The following OR4M1 variants were observed in gnomAD, a reference collection of about 807,000 sequenced individuals.
OR4M1 encodes the protein olfactory receptor 4M1.
OR4M1 carries 7 observed loss-of-function variants against 9.8 expected under a neutral mutation model. The ratio of observed to expected loss-of-function variants is 0.71; its 90% CI spans 0.41 to 1.34. OR4M1 has a LOEUF of 1.34. Ranked by LOEUF, OR4M1 falls within the 40% of genes most tolerant of loss-of-function variation. The pLI is 0.01. For missense variants in OR4M1, 331 were observed against 380.4 expected (o/e 0.87, Z 1.08); for synonymous variants, 121 against 139.8 (o/e 0.87, Z 0.95).
rs1255421477 is a variant in OR4M1, at chr14:19,777,044, ATATATT to A, written c.-29-3249_-29-3244del. On this transcript the variant is annotated intron_variant, in intron 1 of 1. Transcript: ENST00000641200. ...TATATATATATATATATATATATAT[ATATATT>A]GTTTGTTTGTTTTTCCTGTAATGTT... is the stretch of plus-strand genomic sequence containing the variant. 1.4e-3 allele frequency among the ~76,000 whole-genome samples: 166 copies of A among 120,858 alleles called. 1 individual carries two copies. Among genetic ancestry groups the A allele is most frequent in the South Asian group, 6.0e-3 (22 of 3,684 alleles). 79.3% of individuals were successfully genotyped at this position (120,858 alleles called of 152,430 possible). A position where few individuals can be genotyped will look rare whatever the true frequency, so the allele number is the denominator to read the frequency against.
chr14:19,777,458 T>C (rs1189947953), intron 1 of OR4M1, among the ~76,000 whole-genome samples: 7 of 152,180 alleles, frequency 4.6e-5, no homozygotes, highest in African/African-American at 1.7e-4. Context: ...TTCTTTTTAT[T>C]TCCTGCTTGT....
Position 19,773,558 on chromosome 14 carries a change from T to C in OR4M1, c.-65T>C, listed in dbSNP as rs577795768. ...AGAGGCTTCTTCTACCTCCTCCCCA[T>C]AGTTCCTGAAGGCACCAAGACTGTC... is the stretch of plus-strand genomic sequence containing the variant. On this transcript the variant is annotated 5_prime_UTR_variant, in exon 1 of 2. Transcript: ENST00000641200. 2.9e-4 allele frequency: 44 copies of C among 152,470 alleles called. No homozygotes were observed. Among genetic ancestry groups the C allele is most frequent in the African/African-American group, 9.6e-4 (40 of 41,574 alleles). 9.4% of individuals were successfully genotyped at this position (152,470 alleles called of 1,614,324 possible).
At chr14:19,774,182 C>T (rs1878245452) in intron 1 of OR4M1, among the ~76,000 whole-genome samples, 3 of 152,296 alleles carry the variant, frequency 2.0e-5, no homozygotes, top group African/African-American at 4.8e-5. Flanking sequence ...AGCAAAGAGA[C>T]TCTTACTTGA....
rs1170694225 is a variant in OR4M1, at chr14:19,783,106, A to C, written c.*1842A>C. On this transcript the variant is annotated 3_prime_UTR_variant, in exon 2 of 2. Transcript: ENST00000641200. ...TAGTAATACAAAGGAAAAAGGCATA[A>C]AAACAGTAGTGTGATAACTAATTGC... The C allele has an allele frequency of 6.6e-6, 1 of 152,300 alleles. No homozygotes were observed. Among genetic ancestry groups the C allele is most frequent in the Non-Finnish European group, 1.5e-5 (1 of 68,058 alleles). 9.4% of individuals were successfully genotyped at this position (152,300 alleles called of 1,614,324 possible).
chr14:19,775,678 A>C (rs2138427301), intron 1 of OR4M1, among the ~76,000 whole-genome samples: 1 of 144,404 alleles, frequency 6.9e-6, no homozygotes, highest in Non-Finnish European at 1.5e-5. Context: ...AATTAAAAGA[A>C]TATATTAAAT....
In OR4M1 at chr14:19,781,251, G is replaced by A. The variant is rs369467589; in HGVS notation, c.929G>A (p.Cys310Tyr). The A allele has an allele frequency of 1.2e-4, 186 of 1,604,738 alleles. No individual in the cohort carries two copies. In the African/African-American group the frequency reaches 2.2e-3, roughly 19 times the overall value. ...AAGGTGGTCACCAAATATATTTTGT[G>A]TGAAGAGAAGTGAAAGATAAATTAT... ...MRKVVTKYIL[C>Y]EEK The change falls in exon 2 of 2, where the codon TGT (cysteine) becomes TAT (tyrosine). Residue 310 changes from cysteine (C) to tyrosine (Y), a missense_variant. Cys to Tyr is a radical substitution (Grantham distance 194). This residue lies in a region of OR4M1 where 122 missense variants were observed against 180.5 expected (regional missense o/e 0.68). Coordinates refer to ENST00000641200, the MANE Select transcript of OR4M1 (RefSeq NM_001005500.2).
At chr14:19,774,124 G>A (rs1823130082) in intron 1 of OR4M1, among the ~76,000 whole-genome samples, 1 of 152,190 alleles carries the variant, frequency 6.6e-6, no homozygotes, top group Non-Finnish European at 1.5e-5. Context: ...AGTGTTAGTA[G>A]TAGTAAAAGC....
At position 19,781,944 on chromosome 14, in the gene OR4M1, T is replaced by C. The variant is rs1878512491; in HGVS notation, c.*680T>C. The C allele has an allele frequency of 6.6e-6, 1 of 152,414 alleles. No individual in the cohort carries two copies. The highest frequency in any genetic ancestry group is 1.5e-5 in the Non-Finnish European group (1 of 68,176). 9.4% of individuals were successfully genotyped at this position (152,414 alleles called of 1,614,324 possible). A position where few individuals can be genotyped will look rare whatever the true frequency, so the allele number is the denominator to read the frequency against. On this transcript the variant is annotated 3_prime_UTR_variant, in exon 2 of 2. Transcript: ENST00000641200. Reference sequence around the variant, plus strand: ...TAATTTGGCTGATACATGAGATTCATGTCATTCCAGATGAAGCCTCCAGGC... The same window carrying C: ...TAATTTGGCTGATACATGAGATTCACGTCATTCCAGATGAAGCCTCCAGGC...
At chr14:19,774,350 A>G (rs531077929) in intron 1 of OR4M1, among the ~76,000 whole-genome samples, 3 of 152,366 alleles carry the variant, frequency 2.0e-5, no homozygotes, top group African/African-American at 7.2e-5. Flanking sequence ...TATTTATTCA[A>G]TAAAAAATCC....
chr14:19,775,131 C>G (rs540589778), intron 1 of OR4M1, among the ~76,000 whole-genome samples: 1 of 152,356 alleles, frequency 6.6e-6, no homozygotes, highest in South Asian at 2.1e-4. Context: ...CAACCAACCA[C>G]TGAAGCTGTC....
At chr14:19,775,381 T>G (rs904291904) in intron 1 of OR4M1, among the ~76,000 whole-genome samples, 1 of 152,122 alleles carries the variant, frequency 6.6e-6, no homozygotes, top group Non-Finnish European at 1.5e-5. Flanking sequence ...GGCCAGAGGC[T>G]ATATTTCCCA....
chr14:19,775,243 A>G (rs909301326), intron 1 of OR4M1, among the ~76,000 whole-genome samples: 3 of 152,252 alleles, frequency 2.0e-5, no homozygotes, highest in Admixed American at 1.3e-4. Flanking sequence ...ACAATTGTGC[A>G]TGTGCACGGT....
chr14:19,780,830 G>A lies in OR4M1; in HGVS notation c.508G>A (p.Gly170Arg). Residue 170 changes from glycine to arginine, a missense_variant, in exon 2 of 2, where the codon GGG (glycine) becomes AGG (arginine). By Grantham distance (125) the Gly-to-Arg change is moderately radical (BLOSUM62 -2). This residue lies in a region of OR4M1 where 122 missense variants were observed against 180.5 expected (regional missense o/e 0.68). Coordinates refer to ENST00000641200, the MANE Select transcript of OR4M1 (RefSeq NM_001005500.2). ...TCTCATTGTTCGACTTCCTTTCTGT[G>A]GGCCCAATGAGTTAGACAGTTACTT... ...VALIVRLPFC[G>R]PNELDSYFCD... 4 of 1,614,172 alleles carry A rather than the reference G, an allele frequency of 2.5e-6. No individual in the cohort carries two copies. The highest frequency in any genetic ancestry group is 2.5e-6 in the Non-Finnish European group (3 of 1,180,028).
At chr14:19,778,906 A>C (rs1461716193) in intron 1 of OR4M1, among the ~76,000 whole-genome samples, 1 of 152,234 alleles carries the variant, frequency 6.6e-6, no homozygotes, top group East Asian at 1.9e-4. Flanking sequence ...CATACTGGGC[A>C]ATTTATGGAC....
In OR4M1 at chr14:19,780,833, C is replaced by T. The variant is rs755988817; in HGVS notation, c.511C>T (p.Pro171Ser). ...ALIVRLPFCG[P>S]NELDSYFCDI... Reference sequence around the variant, plus strand: ...CATTGTTCGACTTCCTTTCTGTGGGCCCAATGAGTTAGACAGTTACTTCTG... The same window carrying T: ...CATTGTTCGACTTCCTTTCTGTGGGTCCAATGAGTTAGACAGTTACTTCTG... Residue 171 changes from proline to serine, a missense_variant, in exon 2 of 2, where the codon CCC becomes TCC. Pro to Ser is a moderately conservative substitution (Grantham distance 74, BLOSUM62 -1). Coordinates refer to ENST00000641200, the MANE Select transcript of OR4M1 (RefSeq NM_001005500.2). 7 of 1,614,196 alleles carry T rather than the reference C, an allele frequency of 4.3e-6. No individual in the cohort carries two copies. The highest frequency in any genetic ancestry group is 1.3e-5 in the African/African-American group (1 of 75,044).
rs1010982919 is a variant in OR4M1, at chr14:19,781,510, T to G, written c.*246T>G. 1 of 479,918 alleles carries G rather than the reference T, an allele frequency of 2.1e-6. No individual in the cohort carries two copies. The highest frequency in any genetic ancestry group is 2.0e-5 in the African/African-American group (1 of 50,620). The allele number at this position is 479,918 out of a possible 1,614,324, so 29.7% of individuals were successfully genotyped here. A position where few individuals can be genotyped will look rare whatever the true frequency, so the allele number is the denominator to read the frequency against. ...TAGAATTTGAGATATAATAATAATCTGCTAAAGTACATTTTAACTAATTGT... is the reference window on the plus strand; with the variant it reads ...TAGAATTTGAGATATAATAATAATCGGCTAAAGTACATTTTAACTAATTGT... On this transcript the variant is annotated 3_prime_UTR_variant, in exon 2 of 2. Coordinates refer to ENST00000641200, the MANE Select transcript of OR4M1 (RefSeq NM_001005500.2).
chr14:19,778,816 T>C (rs1280737820), intron 1 of OR4M1, among the ~76,000 whole-genome samples: 1 of 22,468 alleles, frequency 4.5e-5, no homozygotes, highest in Non-Finnish European at 9.7e-5. Context: ...CCTTATTATC[T>C]TTCTTTTGAT....
rs1878483624 is a variant in OR4M1, at chr14:19,781,130, G to C, written c.808G>C (p.Asp270His). The change falls in exon 2 of 2, where the codon GAT becomes CAT. Residue 270 changes from aspartate to histidine, a missense_variant. Physicochemically the swap from Asp to His is moderately conservative, Grantham distance 81 (BLOSUM62 -1). Transcript: ENST00000641200. ...YARPFDSFSL[D>H]KVVSVFHTVI... ...TCGCCCATTTGACTCATTTTCCCTA[G>C]ATAAAGTGGTGTCTGTGTTTCATAC... is the stretch of plus-strand genomic sequence containing the variant. 6.2e-7 allele frequency: 1 copy of C among 1,614,078 alleles called. No homozygotes were observed. Among genetic ancestry groups the C allele is most frequent in the African/African-American group, 1.3e-5 (1 of 74,924 alleles).
At chr14:19,777,006 CCATATATATATATATATATATA>C in intron 1 of OR4M1, among the ~76,000 whole-genome samples, 1 of 17,042 alleles carries the variant, frequency 5.9e-5, no homozygotes, top group East Asian at 1.5e-3. Context: ...ATTGTTTAAG[CCATATATATATATATATATATA>C]TATATATATA....
Sources: allele counts gnomAD v4.1 joint callset (sites outside exome capture counted in the v4.1 genomes callset), GRCh38; gene constraint gnomAD v4.1.1; regional missense constraint gnomAD v4.1.1; transcripts MANE v1.5; gene names NCBI Gene and HGNC (gene_info 2026-07-23, HGNC 2026-07-21).